The following CDKN2B-AS1 variants were observed in gnomAD, a reference collection of about 807,000 sequenced individuals.
CDKN2B-AS1 encodes CDKN2B antisense RNA 1 (non-protein coding).
At chr9:22,057,467 T>G (rs1823620207) in intron 4 of CDKN2B-AS1, among the ~76,000 whole-genome samples, 1 of 152,178 alleles carries the variant, frequency 6.6e-6, no homozygotes, top group South Asian at 2.1e-4. Context: ...CAAAAGGATA[T>G]TTCTGCTGGC....
chr9:22,008,797 C>T, intron 1 of CDKN2B-AS1: 1 of 1,605,834 alleles, frequency 6.2e-7, no homozygotes. Flanking sequence ...GCCCCAGCTA[C>T]CTGGATCGCG....
Position 22,009,155 on chromosome 9 carries a change from C to G in CDKN2B-AS1, n.29+13994C>G, listed in dbSNP as rs72550842. 1.6e-4 allele frequency: 111 copies of G among 690,200 alleles called. No individual in the cohort carries two copies. In the Middle Eastern group the frequency reaches 2.5e-3, roughly 15 times the overall value. The allele number at this position is 690,200 out of a possible 1,614,324, so 42.8% of individuals were successfully genotyped here. ...CGAGCGGCCGGTCGTTAGCTCCGGG[C>G]TTTTCCTGGCGCTCAAGAACCAGCG... On this transcript the variant is annotated intron_variant and non_coding_transcript_variant, in intron 1 of 4. Coordinates refer to ENST00000650946, the Ensembl canonical transcript of CDKN2B-AS1.
rs527540205 is a variant in CDKN2B-AS1 at position 22,025,980 on chromosome 9, G to T, written n.30-20771G>T. Among the ~76,000 whole-genome samples, 40 of 152,150 alleles carry T rather than the reference G, an allele frequency of 2.6e-4. No homozygotes were observed. The South Asian group carries it at 3.5e-3, about 13-fold the overall frequency. ...GGCTGCTCCTCTCCCTGGGACAAAG[G>T]TCCCATGGAAGTCTGAAACCTCTCT... On this transcript the variant is annotated intron_variant and non_coding_transcript_variant, in intron 1 of 4. Coordinates refer to ENST00000650946, the Ensembl canonical transcript of CDKN2B-AS1.
At chr9:22,026,428 C>A (rs112142720) in intron 1 of CDKN2B-AS1, among the ~76,000 whole-genome samples, 2 of 152,056 alleles carry the variant, frequency 1.3e-5, no homozygotes, top group African/African-American at 4.8e-5. Context: ...TCTTTGGCCC[C>A]TGGTTAGTTT....
At chr9:22,023,836 A>G (rs1208020854) in intron 1 of CDKN2B-AS1, among the ~76,000 whole-genome samples, 3 of 152,176 alleles carry the variant, frequency 2.0e-5, no homozygotes, top group Admixed American at 6.5e-5. Context: ...AGCTCCTGCA[A>G]TGCTTTATTA....
intron 4 of CDKN2B-AS1, among the ~76,000 whole-genome samples, chr9:22,072,503 G>A (rs563079756): frequency 1.1e-4 from 17 of 152,286 alleles, no homozygotes; most frequent in African/African-American, 3.4e-4. Flanking sequence ...GCCTGTGTGC[G>A]CCTGCACATG....
chr9:22,025,396 A>G (rs771443895), intron 1 of CDKN2B-AS1, among the ~76,000 whole-genome samples: 1 of 152,252 alleles, frequency 6.6e-6, no homozygotes, highest in African/African-American at 2.4e-5. Flanking sequence ...GGACAGTTCC[A>G]TTGCAGAGGT....
At chr9:22,061,401 G>A (rs758963942) in intron 4 of CDKN2B-AS1, among the ~76,000 whole-genome samples, 1 of 152,126 alleles carries the variant, frequency 6.6e-6, no homozygotes, top group Non-Finnish European at 1.5e-5. Flanking sequence ...ATCTGAGAAC[G>A]AATTGTGTGT....
intron 4 of CDKN2B-AS1, chr9:22,092,215 T>G (rs1825116704): frequency 6.6e-6 from 1 of 152,206 alleles, no homozygotes; most frequent in Non-Finnish European, 1.5e-5. Context: ...GCTACTGGAT[T>G]CAGTTTGCCA....
intron 3 of CDKN2B-AS1, among the ~76,000 whole-genome samples, chr9:22,051,178 G>A (rs1823328226): frequency 6.6e-6 from 1 of 152,052 alleles, no homozygotes; most frequent in South Asian, 2.1e-4. Context: ...GCTCCTTTAA[G>A]GGGCCCCCTG....
At chr9:22,051,810 G>A (rs1823357151) in intron 3 of CDKN2B-AS1, among the ~76,000 whole-genome samples, 1 of 151,944 alleles carries the variant, frequency 6.6e-6, no homozygotes, top group South Asian at 2.1e-4. Context: ...AACACTCCAG[G>A]GATTTTGTTT....
chr9:22,089,439 CT>C (rs531483817), intron 4 of CDKN2B-AS1, among the ~76,000 whole-genome samples: 11 of 149,608 alleles, frequency 7.4e-5, no homozygotes, highest in South Asian at 2.1e-4. Context: ...ACTTACTAAA[CT>C]TTTTTTTTTA....
upstream of CDKN2B-AS1, chr9:21,994,799 C>T (rs1820565435): frequency 5.6e-6 from 1 of 177,192 alleles, no homozygotes; most frequent in Non-Finnish European, 1.2e-5. Context: ...CTAGCTACAT[C>T]CGTCACCTGA....
At chr9:22,120,352 A>T (rs1826066177) in intron 4 of CDKN2B-AS1, 1 of 152,238 alleles carries the variant, frequency 6.6e-6, no homozygotes, top group African/African-American at 2.4e-5. Context: ...AATGATTTTT[A>T]AATGAGGCTG....
At chr9:22,082,439 G>A (rs1023371452) in intron 4 of CDKN2B-AS1, among the ~76,000 whole-genome samples, 1 of 152,128 alleles carries the variant, frequency 6.6e-6, no homozygotes, top group African/African-American at 2.4e-5. Flanking sequence ...AGTGACATTA[G>A]GTAACTTGCT....
chr9:22,047,596 T>C (rs1300296440), intron 2 of CDKN2B-AS1, among the ~76,000 whole-genome samples: 2 of 152,170 alleles, frequency 1.3e-5, no homozygotes, highest in Admixed American at 6.6e-5. Flanking sequence ...ATGATTCTTA[T>C]AGCTCATTTA....
intron 1 of CDKN2B-AS1, among the ~76,000 whole-genome samples, chr9:22,041,747 G>A (rs1049618775): frequency 6.6e-6 from 1 of 151,904 alleles, no homozygotes; most frequent in African/African-American, 2.4e-5. Context: ...AAAGCATTTT[G>A]ACTTATGTTT....
At chr9:22,030,849 G>A (rs1030562569) in intron 1 of CDKN2B-AS1, 1 of 151,956 alleles carries the variant, frequency 6.6e-6, no homozygotes, top group Non-Finnish European at 1.5e-5. Flanking sequence ...AACACATCAG[G>A]GAACAAAAGA....
intron 4 of CDKN2B-AS1, among the ~76,000 whole-genome samples, chr9:22,092,658 T>C (rs1411789636): frequency 6.6e-6 from 1 of 152,220 alleles, no homozygotes; most frequent in East Asian, 1.9e-4. Context: ...TTCTGTGGGA[T>C]TGGTGGTGAT....
Sources: gnomAD v4.1 joint callset for allele counts (sites outside exome capture counted in the v4.1 genomes callset) on GRCh38, gnomAD v4.1.1 for gene constraint, MANE v1.5 for transcripts, NCBI Gene and HGNC (gene_info 2026-07-23, HGNC 2026-07-21) for gene names.